The following ADAMTSL1 variants were observed in gnomAD, a reference collection of about 807,000 sequenced individuals.
ADAMTSL1 encodes the protein ADAMTS like 1.
ADAMTSL1 carries 126 observed loss-of-function variants against 201.8 expected under a neutral mutation model. The observed-to-expected ratio is 0.62, with a 90% confidence interval of 0.54 to 0.72. The LOEUF (loss-of-function observed/expected upper bound fraction) is 0.72, where lower values mean the gene tolerates loss of function less well. Among genes scored for constraint, ADAMTSL1 ranks in the 30% least tolerant of loss-of-function variants. The pLI, the probability that ADAMTSL1 is intolerant of heterozygous loss-of-function variation, is 0.00. For missense variants in ADAMTSL1, 2,679 were observed against 2,277.8 expected (o/e 1.18, Z -3.59); for synonymous variants, 1,121 against 903.4 (o/e 1.24, Z -4.32).
chr9:18,574,912 T>C (rs766008681), intron 4 of ADAMTSL1, among the ~76,000 whole-genome samples: 6 of 152,236 alleles, frequency 3.9e-5, no homozygotes, highest in Non-Finnish European at 8.8e-5. Flanking sequence ...ATGTTTGTCA[T>C]GTCTTTGCCA....
At chr9:18,551,349 G>A (rs1820786805) in intron 3 of ADAMTSL1, among the ~76,000 whole-genome samples, 1 of 151,690 alleles carries the variant, frequency 6.6e-6, no homozygotes, top group Non-Finnish European at 1.5e-5. Flanking sequence ...TTGCCTCTAT[G>A]TTTATGAGTA....
intron 1 of ADAMTSL1, among the ~76,000 whole-genome samples, chr9:18,024,557 G>C (rs971541387): frequency 6.6e-6 from 1 of 152,002 alleles, no homozygotes; most frequent in African/African-American, 2.4e-5. Context: ...TAGAAAAATG[G>C]CTCCCAGCAC....
chr9:18,514,327 CTTT>C (rs397963773), intron 2 of ADAMTSL1, among the ~76,000 whole-genome samples: 3 of 100,094 alleles, frequency 3.0e-5, no homozygotes, highest in African/African-American at 1.2e-4. Flanking sequence ...ATTTTTCTTT[CTTT>C]TTTTTTTTTT....
chr9:18,232,237 T>C (rs1391281817), intron 2 of ADAMTSL1, among the ~76,000 whole-genome samples: 3 of 152,186 alleles, frequency 2.0e-5, no homozygotes, highest in East Asian at 3.9e-4. Flanking sequence ...GGATCCTTTA[T>C]ACTTGCTGTT....
chr9:17,951,627 C>CTTT (rs60569100), intron 1 of ADAMTSL1, among the ~76,000 whole-genome samples: 3 of 143,834 alleles, frequency 2.1e-5, no homozygotes, highest in Non-Finnish European at 3.1e-5. Flanking sequence ...AACCATTACT[C>CTTT]TTTTTTTTTT....
At chr9:18,720,008 T>C (rs1366371673) in intron 14 of ADAMTSL1, among the ~76,000 whole-genome samples, 1 of 152,246 alleles carries the variant, frequency 6.6e-6, no homozygotes, top group Non-Finnish European at 1.5e-5. Context: ...AATGTCCAGC[T>C]ATAGATAGGT....
intron 16 of ADAMTSL1, among the ~76,000 whole-genome samples, chr9:18,769,731 T>C (rs765379763): frequency 2.0e-5 from 3 of 152,148 alleles, no homozygotes; most frequent in Admixed American, 6.5e-5. Flanking sequence ...ACACAACCCT[T>C]CCGTTTATAT....
intron 2 of ADAMTSL1, among the ~76,000 whole-genome samples, chr9:18,289,878 A>G (rs1425490709): frequency 6.6e-6 from 1 of 152,228 alleles, no homozygotes; most frequent in African/African-American, 2.4e-5. Context: ...TCAAAGGAAA[A>G]CAACATGAAA....
intron 1 of ADAMTSL1, among the ~76,000 whole-genome samples, chr9:17,963,375 G>A (rs1355258974): frequency 6.6e-6 from 1 of 152,112 alleles, no homozygotes; most frequent in Non-Finnish European, 1.5e-5. Flanking sequence ...GACATTTTGA[G>A]GGGAAAGTTA....
At chr9:17,967,898 C>A (rs769305284) in intron 1 of ADAMTSL1, among the ~76,000 whole-genome samples, 5 of 152,060 alleles carry the variant, frequency 3.3e-5, no homozygotes, top group Non-Finnish European at 5.9e-5. Flanking sequence ...AAAGTCTATT[C>A]GGACTTTGTA....
chr9:18,189,011 C>T (rs1461160388), intron 2 of ADAMTSL1, among the ~76,000 whole-genome samples: 1 of 152,118 alleles, frequency 6.6e-6, no homozygotes, highest in Non-Finnish European at 1.5e-5. Flanking sequence ...TGTACAGGTT[C>T]CCAAGACAAT....
At position 18,517,576 on chromosome 9, in the gene ADAMTSL1, A is replaced by T. The variant is rs1156535157; in HGVS notation, c.191+12620A>T. On this transcript the variant is annotated intron_variant, in intron 2 of 28. Coordinates refer to ENST00000380548, the MANE Select transcript of ADAMTSL1 (RefSeq NM_001040272.6). ...AATGCTATCCCTCCCCCCTCCCCCC[A>T]CACCACCACAGTCCCCAGCGTGTGA... Among the ~76,000 whole-genome samples the T allele has an allele frequency of 2.0e-4, 6 of 30,330 alleles. No individual in the cohort carries two copies. The East Asian group carries it at 5.3e-3, about 27-fold the overall frequency. The allele number at this position is 30,330 out of a possible 152,430, so 19.9% of individuals were successfully genotyped here.
chr9:18,285,228 A>G (rs58005284), intron 2 of ADAMTSL1, among the ~76,000 whole-genome samples: 19,560 of 152,164 alleles, frequency 0.13, 1,327 homozygotes, highest in Middle Eastern at 0.19. Context: ...ATATATGCCA[A>G]TTTTATAGTA....
intron 19 of ADAMTSL1, among the ~76,000 whole-genome samples, chr9:18,784,881 T>TG (rs1404327732): frequency 6.6e-6 from 1 of 152,196 alleles, no homozygotes; most frequent in African/African-American, 2.4e-5. Flanking sequence ...GTAATCGAGC[T>TG]GGGGTGAGGC....
chr9:18,859,160 C>T (rs1186278559), intron 23 of ADAMTSL1, among the ~76,000 whole-genome samples: 4 of 152,184 alleles, frequency 2.6e-5, no homozygotes, highest in African/African-American at 4.8e-5. Flanking sequence ...TGTTACAGTT[C>T]TGGAGGTCAG....
chr9:18,624,991 A>G (rs1246967967), intron 5 of ADAMTSL1, among the ~76,000 whole-genome samples: 1 of 152,352 alleles, frequency 6.6e-6, no homozygotes, highest in African/African-American at 2.4e-5. Context: ...TCTATAGCAG[A>G]TGCTGAACAA....
chr9:18,315,453 G>C (rs1037799962), intron 2 of ADAMTSL1, among the ~76,000 whole-genome samples: 5 of 152,060 alleles, frequency 3.3e-5, no homozygotes, highest in Non-Finnish European at 7.4e-5. Flanking sequence ...GGGGTGGTTC[G>C]GGCATTGGGG....
intron 1 of ADAMTSL1, among the ~76,000 whole-genome samples, chr9:18,012,191 G>C (rs962532751): frequency 1.3e-5 from 2 of 152,026 alleles, no homozygotes; most frequent in Admixed American, 1.3e-4. Context: ...TGACTTGCAG[G>C]CCCCTGTGGC....
chr9:18,332,487 C>T (rs553671458), intron 2 of ADAMTSL1, among the ~76,000 whole-genome samples: 1 of 152,078 alleles, frequency 6.6e-6, no homozygotes, highest in African/African-American at 2.4e-5. Flanking sequence ...ATCCTGCTCT[C>T]TCACTCAGGC....
Sources: allele counts gnomAD v4.1 joint callset (sites outside exome capture counted in the v4.1 genomes callset), GRCh38; gene constraint gnomAD v4.1.1; transcripts MANE v1.5; gene names NCBI Gene and HGNC (gene_info 2026-07-23, HGNC 2026-07-21).